The following STK3 variants were observed in gnomAD, a reference collection of about 807,000 sequenced individuals.
STK3 encodes the protein serine/threonine-protein kinase 3.
In STK3, 41 loss-of-function variants were observed where a neutral mutation model predicts 58.0. The observed-to-expected ratio is 0.71, with a 90% CI of 0.55 to 0.92. STK3 has a LOEUF of 0.92. Ranked by LOEUF, STK3 falls within the 40% of genes least tolerant of loss-of-function variation. The probability of loss-of-function intolerance (pLI) is 0.00; values close to 1 mark genes in which losing one functional copy is unlikely to be tolerated. For missense variants in STK3, 479 were observed against 602.7 expected, an observed-to-expected ratio of 0.79 and a Z score of 2.15; for synonymous variants, 170 against 191.0, an observed-to-expected ratio of 0.89 and a Z score of 0.91.
At chr8:98,620,917 AAC>A (rs1355393137) in intron 6 of STK3, among the ~76,000 whole-genome samples, 5 of 151,906 alleles carry the variant, frequency 3.3e-5, no homozygotes, top group Non-Finnish European at 7.4e-5. Flanking sequence ...TACACAGAAA[AAC>A]AACTGATTTT....
chr8:98,537,478 T>C (rs1236767197), intron 9 of STK3, among the ~76,000 whole-genome samples: 1 of 152,122 alleles, frequency 6.6e-6, no homozygotes, highest in Non-Finnish European at 1.5e-5. Context: ...GGATGATGTT[T>C]CTGACTTACA....
intron 9 of STK3, among the ~76,000 whole-genome samples, chr8:98,542,337 T>C (rs1482846502): frequency 6.6e-6 from 1 of 152,212 alleles, no homozygotes; most frequent in African/African-American, 2.4e-5. Flanking sequence ...GTCGTATCAA[T>C]AGATATTATC....
At chr8:98,366,957 A>G (rs1034108054), downstream of STK3, among the ~76,000 whole-genome samples, 2 of 152,222 alleles carry the variant, frequency 1.3e-5, no homozygotes, top group African/African-American at 4.8e-5. Flanking sequence ...TATTTTGCCA[A>G]TCCGGACATC....
the STK3 span, among the ~76,000 whole-genome samples, chr8:98,352,149 A>AC: frequency 6.6e-6 from 1 of 151,674 alleles, no homozygotes. Context: ...AAAAAAAAAA[A>AC]AAAAAAGAGA....
chr8:98,793,857 A>G (rs1238143375), intron 1 of STK3, among the ~76,000 whole-genome samples: 2 of 152,280 alleles, frequency 1.3e-5, no homozygotes, highest in Non-Finnish European at 2.9e-5. Context: ...CTCTCAGACC[A>G]CAGTGTAATA....
chr8:98,793,145 G>GAATGACACA (rs1445913423), intron 1 of STK3, among the ~76,000 whole-genome samples: 4 of 152,120 alleles, frequency 2.6e-5, no homozygotes, highest in African/African-American at 9.7e-5. Context: ...AAAGGCATAA[G>GAATGACACA]AATGACACAA....
intron 1 of STK3, among the ~76,000 whole-genome samples, chr8:98,907,322 G>A (rs1838951498): frequency 6.6e-6 from 1 of 151,964 alleles, no homozygotes; most frequent in Non-Finnish European, 1.5e-5. Context: ...GACCATCCTA[G>A]CTAACATGGT....
At chr8:98,613,217 T>A (rs1817337767) in intron 6 of STK3, among the ~76,000 whole-genome samples, 1 of 152,126 alleles carries the variant, frequency 6.6e-6, no homozygotes, top group African/African-American at 2.4e-5. Context: ...TCCCTTCCCC[T>A]CTTAAAGTAA....
chr8:98,460,872 C>T (rs1029959583), intron 10 of STK3, among the ~76,000 whole-genome samples: 1 of 152,120 alleles, frequency 6.6e-6, no homozygotes. Flanking sequence ...TGAATCAACT[C>T]GATTTTTAAA....
intron 7 of STK3, among the ~76,000 whole-genome samples, chr8:98,586,322 G>C (rs1214813823): frequency 6.6e-6 from 1 of 152,104 alleles, no homozygotes; most frequent in African/African-American, 2.4e-5. Flanking sequence ...GTTGAATTTT[G>C]TCAAAGGCCT....
At chr8:98,889,618 G>T (rs1359595942) in intron 1 of STK3, among the ~76,000 whole-genome samples, 1 of 152,126 alleles carries the variant, frequency 6.6e-6, no homozygotes, top group African/African-American at 2.4e-5. Context: ...TACCAAATGT[G>T]ACCAAGATCG....
At chr8:98,689,003 A>C (rs571934410) in intron 6 of STK3, among the ~76,000 whole-genome samples, 5 of 152,226 alleles carry the variant, frequency 3.3e-5, no homozygotes, top group Admixed American at 1.3e-4. Flanking sequence ...TGAAACTGAC[A>C]GACTGCTAGC....
chr8:98,748,569 T>C (rs2131352033), intron 4 of STK3, among the ~76,000 whole-genome samples: 1 of 152,188 alleles, frequency 6.6e-6, no homozygotes, highest in South Asian at 2.1e-4. Context: ...ATAATGTTAC[T>C]GCTACAGAAT....
chr8:98,939,222 G>GC, intron 1 of STK3, among the ~76,000 whole-genome samples: 1 of 152,352 alleles, frequency 6.6e-6, no homozygotes, highest in East Asian at 1.9e-4. Flanking sequence ...AGGTAGGGAC[G>GC]GAGGAGGAGA....
intron 6 of STK3, among the ~76,000 whole-genome samples, chr8:98,689,330 A>C (rs1314248146): frequency 6.6e-6 from 1 of 152,150 alleles, no homozygotes; most frequent in African/African-American, 2.4e-5. Context: ...TCCTAATAAA[A>C]CTATTACAAA....
chr8:98,687,231 G>A (rs930677163), intron 6 of STK3, among the ~76,000 whole-genome samples: 2 of 152,178 alleles, frequency 1.3e-5, no homozygotes, highest in African/African-American at 2.4e-5. Flanking sequence ...TTTGGCGCAA[G>A]GAACCGGTTT....
At position 98,455,669 on chromosome 8, in the gene STK3, T is replaced by C; in HGVS notation, c.*173A>G. On this transcript the variant is annotated 3_prime_UTR_variant, in exon 11 of 11. Transcript: ENST00000419617. Reference sequence around the variant, plus strand: ...CATCTTAGAGTGAATGCACAGCAGATACAACTGTCAATTCTGCCTTTTGGG... The same window carrying C: ...CATCTTAGAGTGAATGCACAGCAGACACAACTGTCAATTCTGCCTTTTGGG... The C allele has an allele frequency of 4.4e-6, 3 of 681,658 alleles. No homozygotes were observed. Among genetic ancestry groups the C allele is most frequent in the Admixed American group, 2.9e-5 (1 of 34,424 alleles). The allele number at this position is 681,658 out of a possible 1,614,324, so 42.2% of individuals were successfully genotyped here.
At chr8:98,695,553 C>T (rs1268743961) in intron 6 of STK3, among the ~76,000 whole-genome samples, 1 of 152,160 alleles carries the variant, frequency 6.6e-6, no homozygotes, top group African/African-American at 2.4e-5. Context: ...ACAGTTTCAG[C>T]TTTCTACATA....
At chr8:98,443,866 A>C (rs1382243365) in intron 1 of STK3, among the ~76,000 whole-genome samples, 1 of 152,228 alleles carries the variant, frequency 6.6e-6, no homozygotes, top group Non-Finnish European at 1.5e-5. Flanking sequence ...CAATAGTTGA[A>C]GACATGCATC....
Sources: allele counts gnomAD v4.1 joint callset (sites outside exome capture counted in the v4.1 genomes callset), GRCh38; gene constraint gnomAD v4.1.1; transcripts MANE v1.5; gene names NCBI Gene and HGNC (gene_info 2026-07-23, HGNC 2026-07-21).